Variants in ACACA observed in about 807,000 individuals in gnomAD.
ACACA encodes the protein acetyl-CoA carboxylase 1.
A neutral mutation model predicts 296.1 loss-of-function variants in ACACA; 103 were observed. The ratio of observed to expected loss-of-function variants is 0.35; its 90% CI spans 0.30 to 0.41. ACACA has a LOEUF of 0.41. Among genes scored for constraint, ACACA ranks in the 10% least tolerant of loss-of-function variants. The probability of loss-of-function intolerance (pLI) is 1.00; values close to 1 mark genes in which losing one functional copy is unlikely to be tolerated. For synonymous variants in ACACA, 953 were observed against 1,038.6 expected (o/e 0.92, Z 1.58); for missense variants, 1,554 against 2,989.7 (o/e 0.52, Z 11.20).
chr17:37,353,036 T>C lies in ACACA; in HGVS notation c.39-13186A>G, dbSNP rs577529362. 2.9e-4 allele frequency among the ~76,000 whole-genome samples: 44 copies of C among 152,214 alleles called. 1 individual carries two copies. The highest frequency in any genetic ancestry group is 4.4e-5 in the Non-Finnish European group (3 of 68,034). The stretch of plus-strand genomic sequence containing the variant: ...AACGTACATCAGATAAAATATTCTC[T>C]CATATTAAGTGGAAAACTGGAAAAG... On this transcript the variant is annotated intron_variant, in intron 1 of 55. Coordinates refer to ENST00000616317, the MANE Select transcript of ACACA (RefSeq NM_198834.3).
intron 52 of ACACA, 28 bp from the exon 53 acceptor site, chr17:37,098,012 A>T: frequency 6.2e-7 from 1 of 1,614,018 alleles, no homozygotes. Flanking sequence ...TGCCCGTCAC[A>T]CTCTGTAATG....
At position 37,390,175 on chromosome 17, in the gene ACACA, T is replaced by TATATATATATACAC. The variant is rs60788220; in HGVS notation, c.38+16086_38+16087insGTGTATATATATAT. ...ATATATATATATATATATATATATA[T>TATATATATATACAC]ACACACACACATTATATATAAATAT... On this transcript the variant is annotated intron_variant, in intron 1 of 55. Coordinates refer to ENST00000616317, the MANE Select transcript of ACACA (RefSeq NM_198834.3). Among the ~76,000 whole-genome samples the TATATATATATACAC allele has an allele frequency of 8.6e-3, 382 of 44,370 alleles. 10 individuals carry two copies. Among genetic ancestry groups the TATATATATATACAC allele is most frequent in the Non-Finnish European group, 0.012 (318 of 27,570 alleles). 29.1% of individuals were successfully genotyped at this position (44,370 alleles called of 152,430 possible). A position where few individuals can be genotyped will look rare whatever the true frequency, so the allele number is the denominator to read the frequency against.
In ACACA at chr17:37,364,640, C is replaced by G. The variant is rs139110498; in HGVS notation, c.39-24790G>C. On this transcript the variant is annotated intron_variant, in intron 1 of 55. Transcript: ENST00000616317. ...AAGAAAATAGAACCATGAAGAGCCC[C>G]CCCTGTCCTGGGGCTGTCTGACCAT... Among the ~76,000 whole-genome samples the G allele has an allele frequency of 2.4e-3, 360 of 148,836 alleles. 2 individuals carry two copies. Among genetic ancestry groups the G allele is most frequent in the African/African-American group, 8.9e-3 (346 of 38,776 alleles).
intron 35 of ACACA, among the ~76,000 whole-genome samples, chr17:37,197,455 G>A (rs567608818): frequency 6.6e-6 from 1 of 152,280 alleles, no homozygotes; most frequent in African/African-American, 2.4e-5. Flanking sequence ...TTGGACAGGG[G>A]AGGCTGCATA....
At chr17:37,401,538 C>T (rs956469329) in intron 1 of ACACA, among the ~76,000 whole-genome samples, 5 of 148,616 alleles carry the variant, frequency 3.4e-5, no homozygotes, top group African/African-American at 1.2e-4. Flanking sequence ...TATTTTCTCC[C>T]ATTCCGTAGG....
intron 1 of ACACA, among the ~76,000 whole-genome samples, chr17:37,398,171 A>G (rs1386478083): frequency 7.2e-6 from 1 of 138,100 alleles, no homozygotes; most frequent in Non-Finnish European, 1.5e-5. Flanking sequence ...CGGAGGTTGT[A>G]GTGAGCCGAG....
intron 10 of ACACA, among the ~76,000 whole-genome samples, chr17:37,269,779 C>T (rs558933976): frequency 3.9e-5 from 4 of 102,690 alleles, no homozygotes; most frequent in Middle Eastern, 4.5e-3. Flanking sequence ...AAAAAAAAAG[C>T]GAAATAAAAG....
intron 41 of ACACA, among the ~76,000 whole-genome samples, chr17:37,170,455 T>C (rs1470670266): frequency 2.0e-5 from 3 of 152,080 alleles, no homozygotes; most frequent in African/African-American, 7.2e-5. Flanking sequence ...GTTTGAAAAG[T>C]ATCACTGGAC....
At chr17:37,205,928 G>T in intron 32 of ACACA, 56 bp from the exon 33 acceptor site, 3 of 1,348,824 alleles carry the variant, frequency 2.2e-6, no homozygotes, top group Non-Finnish European at 3.2e-6. Context: ...TACAGATGCA[G>T]ATAGAAGTTA....
chr17:37,205,645 A>G, intron 33 of ACACA, 120 bp downstream of exon 33: 1 of 817,910 alleles, frequency 1.2e-6, no homozygotes. Flanking sequence ...AGAACTAGCC[A>G]TAGTTCTGAG....
chr17:37,359,301 C>T (rs927429467), intron 1 of ACACA, among the ~76,000 whole-genome samples: 1 of 152,040 alleles, frequency 6.6e-6, no homozygotes, highest in Non-Finnish European at 1.5e-5. Flanking sequence ...GGCGCGGGCC[C>T]GAGGGCTCAG....
chr17:37,243,622 T>C (rs892548922), intron 21 of ACACA, 63 bp from the exon 22 acceptor site: 9 of 1,546,836 alleles, frequency 5.8e-6, no homozygotes, highest in African/African-American at 2.7e-5. Context: ...TAAAAAGATA[T>C]ATAGTTGTCA....
intron 1 of ACACA, among the ~76,000 whole-genome samples, chr17:37,401,135 G>A (rs2051271064): frequency 6.6e-6 from 1 of 151,444 alleles, no homozygotes; most frequent in African/African-American, 2.4e-5. Context: ...GATGATTAGT[G>A]ATGTTGAACA....
chr17:37,381,674 C>A (rs924973388), intron 1 of ACACA, among the ~76,000 whole-genome samples: 1 of 142,756 alleles, frequency 7.0e-6, no homozygotes, highest in Non-Finnish European at 1.5e-5. Flanking sequence ...GTTGCCCAGG[C>A]TGGAGTGCAG....
chr17:37,361,285 C>T (rs2049395853), intron 1 of ACACA, among the ~76,000 whole-genome samples: 1 of 152,090 alleles, frequency 6.6e-6, no homozygotes, highest in South Asian at 2.1e-4. Flanking sequence ...GATCCGCCCA[C>T]CTTAGCCTCC....
At chr17:37,268,405 T>G (rs1336506548) in intron 10 of ACACA, among the ~76,000 whole-genome samples, 2 of 152,180 alleles carry the variant, frequency 1.3e-5, no homozygotes, top group Non-Finnish European at 2.9e-5. Context: ...ATTTAGTCCC[T>G]GTGAGGGCTA....
At chr17:37,400,335 G>A (rs1202317545) in intron 1 of ACACA, among the ~76,000 whole-genome samples, 3 of 152,064 alleles carry the variant, frequency 2.0e-5, no homozygotes, top group Non-Finnish European at 4.4e-5. Flanking sequence ...GGCCAGGCTG[G>A]TCTCAAACCC....
intron 45 of ACACA, among the ~76,000 whole-genome samples, chr17:37,131,257 A>G (rs2075081726): frequency 6.6e-6 from 1 of 152,168 alleles, no homozygotes; most frequent in Non-Finnish European, 1.5e-5. Flanking sequence ...AGAAAAAAAG[A>G]GGAAGAAAAG....
intron 1 of ACACA, among the ~76,000 whole-genome samples, chr17:37,402,187 A>G (rs1434712640): frequency 6.6e-6 from 1 of 152,204 alleles, no homozygotes; most frequent in African/African-American, 2.4e-5. Context: ...TGAGGGAACA[A>G]GGCACTTAGT....
Sources: gnomAD v4.1 joint callset for allele counts (sites outside exome capture counted in the v4.1 genomes callset) on GRCh38, gnomAD v4.1.1 for gene constraint, MANE v1.5 for transcripts, NCBI Gene and HGNC (gene_info 2026-07-23, HGNC 2026-07-21) for gene names.